Variants in ZNF253 observed in about 807,000 individuals in gnomAD.
The protein encoded by ZNF253 is DNA-binding protein.
ZNF253 carries 8 observed loss-of-function variants against 11.9 expected under a neutral mutation model. That is an observed-to-expected ratio of 0.67 (90% confidence interval 0.40 to 1.22). The LOEUF (loss-of-function observed/expected upper bound fraction) is 1.22. Ranked by LOEUF, ZNF253 falls within the 50% of genes most tolerant of loss-of-function variation. The probability of loss-of-function intolerance (pLI) is 0.01; values close to 1 mark genes in which losing one functional copy is unlikely to be tolerated. For synonymous variants in ZNF253, 194 were observed against 194.9 expected, an observed-to-expected ratio of 1.00 and a Z score of 0.04; for missense variants, 485 against 586.9, an observed-to-expected ratio of 0.83 and a Z score of 1.79.
chr19:19,873,140 C>T (rs563768953), intron 1 of ZNF253, among the ~76,000 whole-genome samples: 11 of 151,874 alleles, frequency 7.2e-5, no homozygotes, highest in African/African-American at 2.7e-4. Flanking sequence ...GTCAGAGGCT[C>T]TAGGAAGAAA....
At chr19:19,885,215 TATTC>T (rs1568498425) in intron 3 of ZNF253, among the ~76,000 whole-genome samples, 4 of 116,482 alleles carry the variant, frequency 3.4e-5, no homozygotes, top group Non-Finnish European at 5.0e-5. Context: ...CTTTTTTTTG[TATTC>T]TTTCTTTCTT....
intron 3 of ZNF253, among the ~76,000 whole-genome samples, chr19:19,885,241 TTC>T (rs1250557649): frequency 1.6e-5 from 1 of 63,654 alleles, no homozygotes; most frequent in Non-Finnish European, 2.4e-5. Context: ...CTTTCTTTCT[TTC>T]TTTCTTTCTT....
At chr19:19,882,201 A>G (rs965806183) in intron 3 of ZNF253, among the ~76,000 whole-genome samples, 2 of 152,142 alleles carry the variant, frequency 1.3e-5, no homozygotes, top group African/African-American at 4.8e-5. Context: ...ATAAAAAAAA[A>G]AAAAAGAAGA....
chr19:19,875,656 A>G (rs1291467757), intron 1 of ZNF253, among the ~76,000 whole-genome samples: 1 of 152,244 alleles, frequency 6.6e-6, no homozygotes, highest in Admixed American at 6.5e-5. Context: ...CGGCCTCCCA[A>G]AGTGCTGGAA....
intron 1 of ZNF253, 76 bp downstream of exon 1, chr19:19,866,075 T>C (rs1372776270): frequency 1.9e-6 from 3 of 1,592,636 alleles, no homozygotes; most frequent in Admixed American, 1.7e-5. Flanking sequence ...GGCGGGACTC[T>C]GCTTCCTCAC....
At chr19:19,874,041 C>T (rs551310030) in intron 1 of ZNF253, among the ~76,000 whole-genome samples, 12 of 152,082 alleles carry the variant, frequency 7.9e-5, no homozygotes, top group East Asian at 2.0e-4. Context: ...CCAGAGTGTC[C>T]GGGATTACAG....
chr19:19,872,272 G>C (rs2063136716), intron 1 of ZNF253, among the ~76,000 whole-genome samples: 1 of 151,946 alleles, frequency 6.6e-6, no homozygotes, highest in African/African-American at 2.4e-5. Context: ...CCTTACAAAT[G>C]TGCAGGTAAC....
intron 1 of ZNF253, among the ~76,000 whole-genome samples, chr19:19,868,602 T>C (rs1305185806): frequency 6.6e-6 from 1 of 152,002 alleles, no homozygotes; most frequent in Non-Finnish European, 1.5e-5. Context: ...TTTTCCCCCA[T>C]AAGCATTTTT....
chr19:19,889,690 T>C (rs1398153673), intron 3 of ZNF253, among the ~76,000 whole-genome samples: 2 of 152,106 alleles, frequency 1.3e-5, no homozygotes, highest in Non-Finnish European at 2.9e-5. Flanking sequence ...TTGCCCAGCC[T>C]GGCCAGCAGT....
chr19:19,872,587 A>ATATATATATATTAT (rs1410537342), intron 1 of ZNF253, among the ~76,000 whole-genome samples: 1,627 of 129,960 alleles, frequency 0.013, 59 homozygotes, highest in African/African-American at 0.056. Context: ...ATATTATTAT[A>ATATATATATATTAT]TATATATATA....
At chr19:19,880,273 GTT>G (rs765915336) in intron 3 of ZNF253, 127 bp downstream of exon 3, 3,557 of 201,748 alleles carry the variant, frequency 0.018, 1 homozygote, top group South Asian at 0.029. Context: ...CTGGGCAGCT[GTT>G]TTTTTTTTTT....
rs760333406 is a variant in ZNF253 at position 19,891,709 on chromosome 19, T to C, written c.462T>C (p.His154=). Residue 154 remains histidine, a synonymous_variant, in exon 4 of 4, where the codon CAT becomes CAC. Transcript: ENST00000589717. ...GTGATAAATATGGAAAAGTCTTTCA[T>C]AAGTTTTCAAATTCAAACACATATA... The part of the protein sequence containing the change: ...FQCDKYGKVF[H]KFSNSNTYKT... The C allele has an allele frequency of 1.2e-6, 2 of 1,614,130 alleles. No homozygotes were observed. Among genetic ancestry groups the C allele is most frequent in the Non-Finnish European group, 1.7e-6 (2 of 1,179,992 alleles).
At position 19,865,901 on chromosome 19, in the gene ZNF253, T is replaced by C. The variant is rs2063108445; in HGVS notation, c.-96T>C. ...CTCCAGGTTTATCCTCAGTGTTCTGTGTCCTGTGCTTATAGAGGCCCGTCC... is the reference window on the plus strand; with the variant it reads ...CTCCAGGTTTATCCTCAGTGTTCTGCGTCCTGTGCTTATAGAGGCCCGTCC... On this transcript the variant is annotated 5_prime_UTR_variant, in exon 1 of 4. Transcript: ENST00000589717. 2.7e-6 allele frequency: 4 copies of C among 1,474,464 alleles called. No homozygotes were observed. Among genetic ancestry groups the C allele is most frequent in the African/African-American group, 1.4e-5 (1 of 72,358 alleles). The allele number at this position is 1,474,464 out of a possible 1,614,324, so 91.3% of individuals were successfully genotyped here.
rs2063220438 is a variant in ZNF253 at position 19,889,576 on chromosome 19, C to T, written c.227-1898C>T. ...GGCCAGGCTGATCTTGAACTCCTGA[C>T]CTCAAATGATCCACCCACCCCAGCC... On this transcript the variant is annotated intron_variant, in intron 3 of 3. Transcript: ENST00000589717. Among the ~76,000 whole-genome samples the T allele has an allele frequency of 2.6e-5, 4 of 152,138 alleles. No homozygotes were observed. The South Asian group carries it at 8.3e-4, about 32-fold the overall frequency.
intron 1 of ZNF253, among the ~76,000 whole-genome samples, chr19:19,877,920 C>G (rs895230146): frequency 3.3e-5 from 5 of 152,090 alleles, no homozygotes; most frequent in Non-Finnish European, 7.4e-5. Context: ...AGGCTCTTAT[C>G]TTTGTTTACA....
intron 3 of ZNF253, 138 bp from the exon 4 acceptor site, chr19:19,891,336 C>T: frequency 8.5e-6 from 6 of 704,620 alleles, no homozygotes; most frequent in African/African-American, 3.6e-5. Context: ...TTTATGTGTC[C>T]AGGAAGAAAT....
In ZNF253 at chr19:19,880,136, C is replaced by CAAA. The variant is rs746248525; in HGVS notation, c.217_219dup (p.Lys73dup). 1.3e-5 allele frequency: 21 copies of CAAA among 1,605,228 alleles called. No individual in the cohort carries two copies. Among genetic ancestry groups the CAAA allele is most frequent in the Non-Finnish European group, 1.7e-5 (20 of 1,176,070 alleles). ...CTATGGAAAGACATGAGATGATTGCCAAACCCCCAGGTAGGTACGAGTGAA... is the reference window on the plus strand; with the variant it reads ...CTATGGAAAGACATGAGATGATTGCCAAAAAACCCCCAGGTAGGTACGAGTGAA... On this transcript the variant is annotated inframe_insertion, in exon 3 of 4. Coordinates refer to ENST00000589717, the MANE Select transcript of ZNF253 (RefSeq NM_021047.3).
chr19:19,893,771 C>A lies in ZNF253; in HGVS notation c.*1024C>A, dbSNP rs949329347. On this transcript the variant is annotated 3_prime_UTR_variant, in exon 4 of 4. Transcript: ENST00000589717. ...GTCTTTAAAGTGAAGAATATTTATT[C>A]TGAAGACAGCCATTACAAATATAAA... 1 of 152,196 alleles carries A rather than the reference C, an allele frequency of 6.6e-6. No homozygotes were observed. The highest frequency in any genetic ancestry group is 2.4e-5 in the African/African-American group (1 of 41,458). The allele number at this position is 152,196 out of a possible 1,614,324, so 9.4% of individuals were successfully genotyped here.
At position 19,880,050 on chromosome 19, in the gene ZNF253, G is replaced by C; in HGVS notation, c.131-1G>C. On this transcript the variant is annotated splice_acceptor_variant, in intron 2 of 3. Coordinates refer to ENST00000589717, the MANE Select transcript of ZNF253 (RefSeq NM_021047.3). LOFTEE classifies it high-confidence loss of function. ...CATGTTATTTATTTTTAATAAAACA[G>C]GTATTGTTGTCTCTAAGCCAGACCT... 6.2e-7 allele frequency: 1 copy of C among 1,601,424 alleles called. No individual in the cohort carries two copies. Among genetic ancestry groups the C allele is most frequent in the East Asian group, 2.3e-5 (1 of 44,308 alleles).
Sources: gnomAD v4.1 joint callset for allele counts (sites outside exome capture counted in the v4.1 genomes callset) on GRCh38, gnomAD v4.1.1 for gene constraint, MANE v1.5 for transcripts, NCBI Gene and HGNC (gene_info 2026-07-23, HGNC 2026-07-21) for gene names.